Variants in UNC80 observed in about 807,000 individuals in gnomAD.
UNC80 encodes unc-80 subunit of NALCN channel complex.
A neutral mutation model predicts 384.6 loss-of-function variants in UNC80; 164 were observed. The observed-to-expected ratio is 0.43, with a 90% confidence interval of 0.38 to 0.49. The LOEUF is 0.49. UNC80 is among the 20% of genes least tolerant of loss of function. The pLI is 0.00. For missense variants in UNC80, 3,330 were observed against 4,143.0 expected (o/e 0.80, Z 5.39); for synonymous variants, 1,486 against 1,527.8 (o/e 0.97, Z 0.64).
At chr2:209,817,713 G>A in intron 10 of UNC80, 99 bp from the exon 11 acceptor site, 1 of 1,414,104 alleles carries the variant, frequency 7.1e-7, no homozygotes, top group Non-Finnish European at 9.6e-7. Context: ...TTTCCTAACA[G>A]CCCCACACTC....
chr2:209,891,555 T>C (rs1320415055), intron 26 of UNC80, among the ~76,000 whole-genome samples: 1 of 152,112 alleles, frequency 6.6e-6, no homozygotes, highest in Non-Finnish European at 1.5e-5. Flanking sequence ...TTTTATAAAA[T>C]AAAATATCTG....
chr2:209,843,001 T>A (rs1179926415), intron 21 of UNC80, among the ~76,000 whole-genome samples: 1 of 152,142 alleles, frequency 6.6e-6, no homozygotes, highest in Non-Finnish European at 1.5e-5. Flanking sequence ...ACATACACTC[T>A]CACACACACA....
chr2:209,804,307 T>C (rs979578415), intron 7 of UNC80, among the ~76,000 whole-genome samples: 39 of 152,324 alleles, frequency 2.6e-4, no homozygotes, highest in African/African-American at 7.9e-4. Flanking sequence ...GGAAGGTCCT[T>C]GATTAAAACT....
intron 42 of UNC80, among the ~76,000 whole-genome samples, chr2:209,939,068 G>A (rs531996564): frequency 6.2e-4 from 95 of 152,086 alleles, no homozygotes; most frequent in African/African-American, 1.3e-3. Flanking sequence ...AGACAAACCC[G>A]GAACTCCCAG....
At chr2:209,873,499 A>G (rs1201859445) in intron 23 of UNC80, among the ~76,000 whole-genome samples, 3 of 152,162 alleles carry the variant, frequency 2.0e-5, no homozygotes, top group African/African-American at 7.2e-5. Flanking sequence ...ACACATATTT[A>G]TGTATGCATA....
intron 4 of UNC80, among the ~76,000 whole-genome samples, chr2:209,784,291 C>A (rs190761585): frequency 6.5e-4 from 99 of 152,280 alleles, no homozygotes; most frequent in Middle Eastern, 6.8e-3. Context: ...AAACTATTCT[C>A]AACAGCCTGA....
intron 46 of UNC80, 32 bp from the exon 47 acceptor site, chr2:209,945,815 T>G: frequency 6.8e-7 from 1 of 1,464,740 alleles, no homozygotes; most frequent in Non-Finnish European, 9.4e-7. Flanking sequence ...AAATCCACTC[T>G]GATAGTTTGC....
intron 62 of UNC80, among the ~76,000 whole-genome samples, 178 bp downstream of exon 62, chr2:209,992,425 C>T (rs1375473546): frequency 1.3e-5 from 2 of 151,858 alleles, no homozygotes; most frequent in Admixed American, 6.6e-5. Flanking sequence ...GCCTGGGCAA[C>T]ATAGTAAGAC....
chr2:209,937,408 C>A (rs1370236556), intron 41 of UNC80, 121 bp from the exon 42 acceptor site: 1 of 725,144 alleles, frequency 1.4e-6, no homozygotes, highest in Non-Finnish European at 2.3e-6. Flanking sequence ...AGTACATTGC[C>A]TTTAGCTGCT....
At chr2:209,969,993 T>C in intron 53 of UNC80, 102 bp downstream of exon 53, 1 of 1,434,768 alleles carries the variant, frequency 7.0e-7, no homozygotes. Context: ...TGTGCCCCTA[T>C]CTGCCCATGA....
chr2:209,974,587 C>T (rs1315158479), intron 56 of UNC80, among the ~76,000 whole-genome samples: 1 of 152,214 alleles, frequency 6.6e-6, no homozygotes, highest in African/African-American at 2.4e-5. Flanking sequence ...ATTTTGAGCA[C>T]TTACTGTGCA....
At chr2:209,849,370 A>T (rs1432935735) in intron 21 of UNC80, 81 bp from the exon 22 acceptor site, 1 of 1,473,334 alleles carries the variant, frequency 6.8e-7, no homozygotes, top group African/African-American at 1.4e-5. Flanking sequence ...ACACACTGTT[A>T]TATCTTTGAA....
chr2:209,861,407 G>A (rs1574784317), intron 22 of UNC80, among the ~76,000 whole-genome samples: 3 of 152,246 alleles, frequency 2.0e-5, no homozygotes, highest in South Asian at 2.1e-4. Flanking sequence ...AGACTTGATC[G>A]TGATGGATAA....
In UNC80 at chr2:209,799,702, A is replaced by G. The variant is rs866118014; in HGVS notation, c.938+5843A>G. Among the ~76,000 whole-genome samples the G allele has an allele frequency of 9.9e-5, 15 of 152,212 alleles. No homozygotes were observed. In the South Asian group the frequency reaches 2.7e-3, roughly 27 times the overall value. On this transcript the variant is annotated intron_variant, in intron 7 of 64. Coordinates refer to ENST00000673920, the MANE Select transcript of UNC80 (RefSeq NM_001371986.1). ...TTGCCCATTCAATAGGATATTGGCT[A>G]TGGTTTGTCATAAACAGCTCTTATT...
chr2:209,844,738 C>A (rs561490571), intron 21 of UNC80, among the ~76,000 whole-genome samples: 1 of 151,560 alleles, frequency 6.6e-6, no homozygotes, highest in African/African-American at 2.4e-5. Flanking sequence ...TATGGACATG[C>A]ACCACCATGC....
At position 209,997,606 on chromosome 2, in the gene UNC80, T is replaced by C. The variant is rs1006946393; in HGVS notation, c.*2011T>C. ...GTATTTTAAAAGTATTGGGCTGTTCTGAACATGATTATGCTGGTCTGTCTG... is the reference window on the plus strand; with the variant it reads ...GTATTTTAAAAGTATTGGGCTGTTCCGAACATGATTATGCTGGTCTGTCTG... On this transcript the variant is annotated 3_prime_UTR_variant, in exon 65 of 65. Coordinates refer to ENST00000673920, the MANE Select transcript of UNC80 (RefSeq NM_001371986.1). 6.6e-5 allele frequency: 10 copies of C among 152,244 alleles called. No individual in the cohort carries two copies. The highest frequency in any genetic ancestry group is 1.5e-4 in the Non-Finnish European group (10 of 68,046). 9.4% of individuals were successfully genotyped at this position (152,244 alleles called of 1,614,324 possible).
chr2:209,812,487 C>T (rs913896317), intron 7 of UNC80, among the ~76,000 whole-genome samples: 3 of 152,046 alleles, frequency 2.0e-5, no homozygotes, highest in African/African-American at 4.8e-5. Context: ...TTAGGAAAAT[C>T]CCTACTCACT....
At chr2:209,796,755 A>G (rs1014112333) in intron 7 of UNC80, among the ~76,000 whole-genome samples, 3 of 152,160 alleles carry the variant, frequency 2.0e-5, no homozygotes, top group Admixed American at 1.3e-4. Flanking sequence ...ACATCCTGCC[A>G]TGATTCTGAG....
At chr2:209,943,763 A>G (rs1032495826) in intron 45 of UNC80, among the ~76,000 whole-genome samples, 1 of 152,122 alleles carries the variant, frequency 6.6e-6, no homozygotes, top group African/African-American at 2.4e-5. Flanking sequence ...ATCTTATATG[A>G]TGGGTTAGGG....
Sources: allele counts gnomAD v4.1 joint callset (sites outside exome capture counted in the v4.1 genomes callset), GRCh38; gene constraint gnomAD v4.1.1; transcripts MANE v1.5; gene names NCBI Gene and HGNC (gene_info 2026-07-23, HGNC 2026-07-21).